ARFGEF1: variants seen among roughly 807,000 people sequenced by gnomAD.
The protein encoded by ARFGEF1 is brefeldin A-inhibited guanine nucleotide-exchange protein 1.
ARFGEF1 carries 42 observed loss-of-function variants against 231.0 expected under a neutral mutation model. The observed-to-expected ratio is 0.18, with a 90% confidence interval of 0.14 to 0.24. The LOEUF (loss-of-function observed/expected upper bound fraction) is 0.24, where lower values mean the gene tolerates loss of function less well. Among genes scored for constraint, ARFGEF1 ranks in the 10% least tolerant of loss-of-function variants. The pLI is 1.00. For missense variants in ARFGEF1, 1,345 were observed against 2,192.0 expected, an observed-to-expected ratio of 0.61 and a Z score of 7.72; for synonymous variants, 710 against 732.3, an observed-to-expected ratio of 0.97 and a Z score of 0.49.
chr8:67,304,431 C>G (rs1269242032), intron 1 of ARFGEF1, among the ~76,000 whole-genome samples: 2 of 152,232 alleles, frequency 1.3e-5, no homozygotes, highest in Non-Finnish European at 2.9e-5. Flanking sequence ...TAAAATACCA[C>G]TTTAATAAAG....
chr8:67,197,022 C>CA (rs1199695843), downstream of ARFGEF1, among the ~76,000 whole-genome samples: 3 of 151,970 alleles, frequency 2.0e-5, no homozygotes, highest in Non-Finnish European at 4.4e-5. Context: ...TGTTTAATGC[C>CA]ATGTACCACA....
chr8:67,251,727 G>C (rs530737767), intron 18 of ARFGEF1, among the ~76,000 whole-genome samples: 1 of 152,228 alleles, frequency 6.6e-6, no homozygotes, highest in Non-Finnish European at 1.5e-5. Context: ...TTGGGATAAT[G>C]AAATCTTTTG....
intron 38 of ARFGEF1, 185 bp from the exon 39 acceptor site, chr8:67,199,283 C>G: frequency 1.7e-6 from 1 of 577,000 alleles, no homozygotes; most frequent in Non-Finnish European, 2.9e-6. Flanking sequence ...CATACAAACA[C>G]TATTCACTTA....
chr8:67,261,347 A>T (rs893453160), intron 14 of ARFGEF1, among the ~76,000 whole-genome samples: 6 of 152,204 alleles, frequency 3.9e-5, no homozygotes, highest in African/African-American at 1.4e-4. Context: ...GTAGCTGATG[A>T]TATTAACTTG....
intron 17 of ARFGEF1, among the ~76,000 whole-genome samples, chr8:67,255,510 G>C (rs1840426534): frequency 6.6e-6 from 1 of 152,092 alleles, no homozygotes; most frequent in Admixed American, 6.5e-5. Context: ...AACATAAACA[G>C]CTTGTTAAAA....
Position 67,198,930 on chromosome 8 carries a change from C to A in ARFGEF1, c.*4G>T. 3 of 1,612,268 alleles carry A rather than the reference C, an allele frequency of 1.9e-6. No individual in the cohort carries two copies. In the South Asian group the frequency reaches 3.3e-5, roughly 18 times the overall value. ...TAAATGCCAACAAAAATATTAAGTTCCCATCATTGCTTGTTTATTCCAAGT... is the reference window on the plus strand; with the variant it reads ...TAAATGCCAACAAAAATATTAAGTTACCATCATTGCTTGTTTATTCCAAGT... On this transcript the variant is annotated 3_prime_UTR_variant, in exon 39 of 39. Transcript: ENST00000262215.
chr8:67,329,315 G>A (rs192553180), intron 1 of ARFGEF1, among the ~76,000 whole-genome samples: 2,462 of 151,930 alleles, frequency 0.016, 70 homozygotes, highest in African/African-American at 0.057. Flanking sequence ...CACTTTGGGA[G>A]GCTGAGGCAG....
intron 20 of ARFGEF1, among the ~76,000 whole-genome samples, 177 bp downstream of exon 20, chr8:67,239,985 C>T (rs959437820): frequency 6.6e-6 from 1 of 152,160 alleles, no homozygotes; most frequent in Non-Finnish European, 1.5e-5. Flanking sequence ...CAGTATAGAA[C>T]TACCCCTTCT....
intron 10 of ARFGEF1, among the ~76,000 whole-genome samples, chr8:67,267,939 C>T (rs1417215416): frequency 6.6e-6 from 1 of 152,152 alleles, no homozygotes. Flanking sequence ...TAATTACTCA[C>T]AAAAGTGAAA....
intron 34 of ARFGEF1, among the ~76,000 whole-genome samples, chr8:67,205,919 T>C (rs1838498179): frequency 6.6e-6 from 1 of 151,844 alleles, no homozygotes; most frequent in Non-Finnish European, 1.5e-5. Context: ...AAATAGGTTA[T>C]ATGAAAACCT....
At chr8:67,269,940 T>C (rs765460013) in intron 10 of ARFGEF1, among the ~76,000 whole-genome samples, 3 of 152,188 alleles carry the variant, frequency 2.0e-5, no homozygotes, top group African/African-American at 7.2e-5. Context: ...TAAGAATTTA[T>C]ATTTTACTGT....
At chr8:67,174,916 C>T (rs751152998), downstream of ARFGEF1, 4 of 179,248 alleles carry the variant, frequency 2.2e-5, no homozygotes, top group South Asian at 1.3e-4. Flanking sequence ...AGAGATCAGC[C>T]GTGATTACAG....
At chr8:67,190,379 G>C (rs1041271031) in intron 5 of ARFGEF1, among the ~76,000 whole-genome samples, 2 of 152,210 alleles carry the variant, frequency 1.3e-5, no homozygotes, top group African/African-American at 4.8e-5. Context: ...TGTTGAAACA[G>C]AGCCGTGTTT....
intron 19 of ARFGEF1, among the ~76,000 whole-genome samples, chr8:67,244,313 GTTGT>G (rs1351885260): frequency 0.034 from 2,806 of 83,478 alleles, 355 homozygotes; most frequent in African/African-American, 0.12. Context: ...TGTTGTTGTT[GTTGT>G]TTTTTTTTTT....
intron 7 of ARFGEF1, among the ~76,000 whole-genome samples, chr8:67,285,735 C>G: frequency 6.6e-6 from 1 of 152,154 alleles, no homozygotes; most frequent in Non-Finnish European, 1.5e-5. Context: ...GTACTAATAT[C>G]ACCATGCAGT....
chr8:67,284,231 A>G (rs1190330511), intron 7 of ARFGEF1, among the ~76,000 whole-genome samples: 1 of 152,194 alleles, frequency 6.6e-6, no homozygotes, highest in African/African-American at 2.4e-5. Flanking sequence ...ACACACATAC[A>G]TGCAGTACTC....
At chr8:67,246,602 G>A (rs1213643595) in intron 19 of ARFGEF1, among the ~76,000 whole-genome samples, 1 of 149,758 alleles carries the variant, frequency 6.7e-6, no homozygotes, top group Admixed American at 6.7e-5. Flanking sequence ...GGAATATAGT[G>A]AAAGTAGTCC....
intron 1 of ARFGEF1, among the ~76,000 whole-genome samples, chr8:67,339,688 TC>T (rs898126900): frequency 4.1e-4 from 61 of 148,248 alleles, no homozygotes; most frequent in Admixed American, 1.1e-3. Context: ...CTAGACTCCC[TC>T]TCTCTGCAGA....
chr8:67,339,396 T>C (rs1371021624), intron 1 of ARFGEF1, among the ~76,000 whole-genome samples: 1 of 152,078 alleles, frequency 6.6e-6, no homozygotes, highest in Non-Finnish European at 1.5e-5. Context: ...CAGAGTATCT[T>C]CATAGATACT....
Sources: gnomAD v4.1 joint callset for allele counts (sites outside exome capture counted in the v4.1 genomes callset) on GRCh38, gnomAD v4.1.1 for gene constraint, MANE v1.5 for transcripts, NCBI Gene and HGNC (gene_info 2026-07-23, HGNC 2026-07-21) for gene names.